Variants in SLC25A48 observed in about 807,000 individuals in gnomAD.
SLC25A48 encodes the protein solute carrier family 25 member 48.
In SLC25A48, 29 loss-of-function variants were observed where a neutral mutation model predicts 32.2. The ratio of observed to expected loss-of-function variants is 0.90; its 90% CI spans 0.67 to 1.23. SLC25A48 has a LOEUF of 1.23. Ranked by LOEUF, SLC25A48 falls within the 50% of genes most tolerant of loss-of-function variation. SLC25A48 has a pLI of 0.00. For missense variants in SLC25A48, 399 were observed against 422.7 expected, an observed-to-expected ratio of 0.94 and a Z score of 0.49; for synonymous variants, 164 against 172.3, an observed-to-expected ratio of 0.95 and a Z score of 0.38.
chr5:135,672,513 T>A (rs1753680055), intron 3 of SLC25A48, among the ~76,000 whole-genome samples: 2 of 152,178 alleles, frequency 1.3e-5, no homozygotes, highest in South Asian at 4.1e-4. Context: ...TGGTCTCGTC[T>A]CAGGTGTCCA....
chr5:135,812,381 T>G (rs1757611087), intron 3 of SLC25A48: 1 of 152,250 alleles, frequency 6.6e-6, no homozygotes, highest in Non-Finnish European at 1.5e-5. Flanking sequence ...GTAGTCACCC[T>G]GCTGTGCTTA....
intron 7 of SLC25A48, among the ~76,000 whole-genome samples, chr5:135,882,162 G>A (rs958916032): frequency 1.3e-5 from 2 of 152,248 alleles, no homozygotes; most frequent in East Asian, 3.8e-4. Flanking sequence ...TCCCTTAGGA[G>A]GGAGGACTGC....
chr5:135,870,270 A>G (rs1216488825), intron 4 of SLC25A48, among the ~76,000 whole-genome samples: 1 of 152,158 alleles, frequency 6.6e-6, no homozygotes, highest in African/African-American at 2.4e-5. Flanking sequence ...ATGTCACATT[A>G]TGTTATTTCC....
intron 1 of SLC25A48, among the ~76,000 whole-genome samples, chr5:135,623,280 C>G (rs1406580772): frequency 6.6e-6 from 1 of 152,240 alleles, no homozygotes; most frequent in Non-Finnish European, 1.5e-5. Context: ...TTTGTCTCCT[C>G]TTAACTCCCC....
chr5:135,823,162 G>A (rs114963025), intron 4 of SLC25A48, among the ~76,000 whole-genome samples: 1 of 152,208 alleles, frequency 6.6e-6, no homozygotes, highest in Non-Finnish European at 1.5e-5. Flanking sequence ...AGTCGGGAAG[G>A]CCAGGGTGGG....
rs139966746 is a variant in SLC25A48 at position 135,777,901 on chromosome 5, G to A, written c.-520-34622G>A. 2.0e-3 allele frequency among the ~76,000 whole-genome samples: 297 copies of A among 151,550 alleles called. 1 individual carries two copies. The highest frequency in any genetic ancestry group is 6.7e-3 in the African/African-American group (277 of 41,280). ...TAATATTACTCCCAATATCACAAGG[G>A]GTGTACATCCCACCTGTGATATTGT... On this transcript the variant is annotated intron_variant, in intron 3 of 10. Coordinates refer to the SLC25A48 transcript ENST00000646290.
At position 135,779,988 on chromosome 5, in the gene SLC25A48, C is replaced by T. The variant is rs1223051205; in HGVS notation, c.-520-32535C>T. The stretch of plus-strand genomic sequence containing the variant: ...TCGCAGGGGCATACATCCAATACCC[C>T]ATAATATTGTTTTTAATATCCTGTT... On this transcript the variant is annotated intron_variant, in intron 3 of 10. Transcript: ENST00000646290. Among the ~76,000 whole-genome samples the T allele has an allele frequency of 2.6e-5, 3 of 114,710 alleles. 1 individual carries two copies. The highest frequency in any genetic ancestry group is 4.3e-5 in the Non-Finnish European group (2 of 46,790). 75.3% of individuals were successfully genotyped at this position (114,710 alleles called of 152,430 possible).
intron 3 of SLC25A48, among the ~76,000 whole-genome samples, chr5:135,776,047 G>A (rs1756549431): frequency 6.6e-6 from 1 of 151,754 alleles, no homozygotes; most frequent in East Asian, 1.9e-4. Context: ...ATCAAGAAGA[G>A]GAAAGAAGGT....
At chr5:135,815,531 A>G (rs1757694454) in intron 4 of SLC25A48, among the ~76,000 whole-genome samples, 2 of 152,208 alleles carry the variant, frequency 1.3e-5, no homozygotes, top group African/African-American at 4.8e-5. Flanking sequence ...AAGAGCATCA[A>G]CCACACAGAA....
intron 2 of SLC25A48, among the ~76,000 whole-genome samples, chr5:135,847,151 C>G (rs1041719086): frequency 1.3e-5 from 2 of 152,174 alleles, no homozygotes; most frequent in Admixed American, 6.5e-5. Flanking sequence ...TCCATAATAA[C>G]TAAAAGCACT....
intron 3 of SLC25A48, among the ~76,000 whole-genome samples, chr5:135,671,416 G>A (rs1431975144): frequency 6.6e-6 from 1 of 152,182 alleles, no homozygotes; most frequent in Non-Finnish European, 1.5e-5. Flanking sequence ...TCCATTTCTT[G>A]CTCTGGTTTG....
chr5:135,722,417 TTG>T (rs919911956), intron 3 of SLC25A48, among the ~76,000 whole-genome samples: 1 of 152,154 alleles, frequency 6.6e-6, no homozygotes, highest in African/African-American at 2.4e-5. Flanking sequence ...ACCTATGAAT[TTG>T]TGTGTTTGTA....
At chr5:135,887,517 T>G (rs1192840349) in intron 7 of SLC25A48, among the ~76,000 whole-genome samples, 4 of 152,032 alleles carry the variant, frequency 2.6e-5, no homozygotes, top group African/African-American at 9.7e-5. Flanking sequence ...TACATATCCC[T>G]CGCCCAAAGG....
intron 1 of SLC25A48, among the ~76,000 whole-genome samples, chr5:135,617,586 A>G (rs1752218806): frequency 6.6e-6 from 1 of 151,598 alleles, no homozygotes; most frequent in Non-Finnish European, 1.5e-5. Context: ...GTACTCATCT[A>G]TTGCTGTAAA....
chr5:135,605,738 G>T (rs1472639386), intron 1 of SLC25A48, among the ~76,000 whole-genome samples: 2 of 152,138 alleles, frequency 1.3e-5, no homozygotes, highest in African/African-American at 4.8e-5. Flanking sequence ...TCTCTGACTG[G>T]GTGAGATATT....
intron 3 of SLC25A48, among the ~76,000 whole-genome samples, chr5:135,796,403 C>T (rs1757180850): frequency 6.6e-6 from 1 of 151,256 alleles, no homozygotes; most frequent in South Asian, 2.1e-4. Flanking sequence ...AGGAGGCATA[C>T]AGCCCCCTGT....
intron 3 of SLC25A48, among the ~76,000 whole-genome samples, chr5:135,669,258 A>G (rs1753596964): frequency 6.6e-6 from 1 of 152,196 alleles, no homozygotes; most frequent in South Asian, 2.1e-4. Flanking sequence ...TCTGTCATGC[A>G]TCCTGGGAAG....
At chr5:135,703,740 G>C (rs1316023735) in intron 3 of SLC25A48, among the ~76,000 whole-genome samples, 4 of 152,218 alleles carry the variant, frequency 2.6e-5, no homozygotes, top group African/African-American at 9.6e-5. Flanking sequence ...GGCCCTGCCA[G>C]ACCGTGGGCT....
intron 3 of SLC25A48, chr5:135,742,480 G>C: frequency 6.3e-7 from 1 of 1,578,470 alleles, no homozygotes; most frequent in African/African-American, 1.4e-5. Flanking sequence ...CCTCTGCTAG[G>C]CCATGGGCAA....
Sources: gnomAD v4.1 joint callset for allele counts (sites outside exome capture counted in the v4.1 genomes callset) on GRCh38, gnomAD v4.1.1 for gene constraint, MANE v1.5 for transcripts, NCBI Gene and HGNC (gene_info 2026-07-23, HGNC 2026-07-21) for gene names.